The following DSCAM variants were observed in gnomAD, a reference collection of about 807,000 sequenced individuals.
DSCAM encodes the protein cell adhesion molecule DSCAM.
Under a neutral mutation model 217.7 loss-of-function variants are expected in DSCAM, and 47 were observed. The observed-to-expected ratio is 0.22, with a 90% CI of 0.17 to 0.28. The LOEUF is 0.28. DSCAM is among the 10% of genes least tolerant of loss of function. DSCAM has a pLI of 1.00. For synonymous variants in DSCAM, 1,056 were observed against 1,015.3 expected (o/e 1.04, Z -0.76); for missense variants, 2,080 against 2,618.3 (o/e 0.79, Z 4.49).
intron 10 of DSCAM, among the ~76,000 whole-genome samples, chr21:40,279,575 CAAGG>C (rs2073732662): frequency 6.6e-6 from 1 of 152,290 alleles, no homozygotes; most frequent in African/African-American, 2.4e-5. Flanking sequence ...GGCAATTCCT[CAAGG>C]ATCTAGAACT....
At chr21:40,114,311 GA>G (rs1173872192) in intron 20 of DSCAM, among the ~76,000 whole-genome samples, 1 of 150,420 alleles carries the variant, frequency 6.6e-6, no homozygotes, top group African/African-American at 2.4e-5. Flanking sequence ...AAGCAATGGG[GA>G]AAGGATTCCC....
chr21:40,589,555 A>G (rs1349435516), intron 3 of DSCAM, among the ~76,000 whole-genome samples: 2 of 152,168 alleles, frequency 1.3e-5, no homozygotes, highest in Non-Finnish European at 2.9e-5. Context: ...CAGCCTGGGC[A>G]ACAAAGCAAG....
Position 40,393,382 on chromosome 21 carries a change from A to C in DSCAM, c.509-24137T>G, listed in dbSNP as rs146633414. 2.4e-3 allele frequency among the ~76,000 whole-genome samples: 372 copies of C among 152,344 alleles called. 2 individuals are homozygous for C. The highest frequency in any genetic ancestry group is 8.5e-3 in the African/African-American group (355 of 41,580). ...TTTAAACATGAAAAGACATGTTCCC[A>C]GCCCTTTTGTGAGCTTGTGCTTTGG... On this transcript the variant is annotated intron_variant, in intron 3 of 32. Transcript: ENST00000400454.
At chr21:40,774,667 A>C (rs1410097056) in intron 1 of DSCAM, among the ~76,000 whole-genome samples, 2 of 152,182 alleles carry the variant, frequency 1.3e-5, no homozygotes, top group Non-Finnish European at 2.9e-5. Flanking sequence ...TTCTGTACAA[A>C]TGGAACACAT....
At chr21:40,678,161 T>C (rs1358797831) in intron 3 of DSCAM, among the ~76,000 whole-genome samples, 1 of 152,204 alleles carries the variant, frequency 6.6e-6, no homozygotes, top group African/African-American at 2.4e-5. Context: ...AATAAGTCTT[T>C]GTAATTCCTT....
chr21:40,676,116 AAAAG>A (rs1179221935), intron 3 of DSCAM, among the ~76,000 whole-genome samples: 1 of 152,222 alleles, frequency 6.6e-6, no homozygotes. Context: ...ATTTTTCTTG[AAAAG>A]AAAGTAATCA....
intron 3 of DSCAM, among the ~76,000 whole-genome samples, chr21:40,525,009 C>CAAAAAAAAAAAAA (rs58427418): frequency 0.034 from 1,897 of 55,950 alleles, 143 homozygotes; most frequent in Non-Finnish European, 0.056. Flanking sequence ...GACTCAGTCT[C>CAAAAAAAAAAAAA]AAAAAAAAAA....
At chr21:40,166,539 A>G (rs954005213) in intron 16 of DSCAM, among the ~76,000 whole-genome samples, 1 of 152,236 alleles carries the variant, frequency 6.6e-6, no homozygotes, top group Non-Finnish European at 1.5e-5. Context: ...CAGAATCAAC[A>G]CTGCTTCCTT....
intron 16 of DSCAM, among the ~76,000 whole-genome samples, chr21:40,152,810 T>G (rs974070535): frequency 3.3e-5 from 5 of 152,224 alleles, no homozygotes; most frequent in African/African-American, 1.2e-4. Flanking sequence ...ATGTGAATGA[T>G]TAGAACAGGC....
chr21:40,327,089 G>C (rs1037063099), intron 8 of DSCAM, among the ~76,000 whole-genome samples: 1 of 151,930 alleles, frequency 6.6e-6, no homozygotes, highest in Non-Finnish European at 1.5e-5. Flanking sequence ...CCTACCGCAT[G>C]GTTCTGAATA....
intron 11 of DSCAM, among the ~76,000 whole-genome samples, chr21:40,189,465 G>T (rs2090931950): frequency 6.6e-6 from 1 of 152,108 alleles, no homozygotes; most frequent in South Asian, 2.1e-4. Context: ...CATATCCACG[G>T]CACGTTGCTC....
chr21:40,093,707 T>C lies in DSCAM; in HGVS notation c.3850+14A>G. The C allele has an allele frequency of 6.2e-7, 1 of 1,613,878 alleles. No homozygotes were observed. Among genetic ancestry groups the C allele is most frequent in the East Asian group, 2.2e-5 (1 of 44,872 alleles). On this transcript the variant is annotated intron_variant, in intron 21 of 32. Coordinates refer to ENST00000400454, the MANE Select transcript of DSCAM (RefSeq NM_001389.5). The stretch of plus-strand genomic sequence containing the variant: ...GTTACAACAGGAAATGAGGTCCTTA[T>C]AGCCACTGCCTACCTTTTGCTAGTG...
At chr21:40,527,344 A>G (rs2076408487) in intron 3 of DSCAM, among the ~76,000 whole-genome samples, 3 of 152,286 alleles carry the variant, frequency 2.0e-5, no homozygotes, top group African/African-American at 7.2e-5. Flanking sequence ...GCATCTTTGT[A>G]TTTCACATTG....
At position 40,021,057 on chromosome 21, in the gene DSCAM, T is replaced by TG. The variant is rs939671665; in HGVS notation, c.5687-7672dup. Among the ~76,000 whole-genome samples the TG allele has an allele frequency of 1.1e-4, 15 of 142,010 alleles. No homozygotes were observed. The South Asian group carries it at 2.5e-3, about 24-fold the overall frequency. 93.2% of individuals were successfully genotyped at this position (142,010 alleles called of 152,430 possible). A position where few individuals can be genotyped will look rare whatever the true frequency, so the allele number is the denominator to read the frequency against. ...CAGGGGAGGCTGAGATGAATAAGGC[T>TG]GGGGGGGTGTGAGGGAGGATGGATG... On this transcript the variant is annotated intron_variant, in intron 32 of 32. Coordinates refer to ENST00000400454, the MANE Select transcript of DSCAM (RefSeq NM_001389.5).
intron 18 of DSCAM, among the ~76,000 whole-genome samples, chr21:40,139,375 G>A (rs116548116): frequency 0.017 from 2,526 of 152,020 alleles, 74 homozygotes; most frequent in African/African-American, 0.058. Flanking sequence ...ATATTGGTTC[G>A]GTCTGGAAGG....
intron 1 of DSCAM, among the ~76,000 whole-genome samples, chr21:40,844,372 A>G (rs527293987): frequency 6.6e-6 from 1 of 152,278 alleles, no homozygotes; most frequent in East Asian, 1.9e-4. Flanking sequence ...TAATGTTTTC[A>G]TCCTTGATCA....
At chr21:40,106,508 C>A (rs1368477348) in intron 20 of DSCAM, among the ~76,000 whole-genome samples, 1 of 152,034 alleles carries the variant, frequency 6.6e-6, no homozygotes, top group Non-Finnish European at 1.5e-5. Context: ...AAGGAGTCCC[C>A]CCTCCTAGAT....
intron 1 of DSCAM, among the ~76,000 whole-genome samples, chr21:40,737,506 T>C (rs941143424): frequency 2.0e-5 from 3 of 152,110 alleles, no homozygotes; most frequent in Non-Finnish European, 2.9e-5. Context: ...CTGGGCATAG[T>C]GGCAGGTGCC....
chr21:40,019,917 C>T (rs9975213), intron 32 of DSCAM, among the ~76,000 whole-genome samples: 20,366 of 152,184 alleles, frequency 0.13, 1,583 homozygotes, highest in Middle Eastern at 0.25. Flanking sequence ...TCCACATTTC[C>T]CCCCTTCCCC....
Sources: gnomAD v4.1 joint callset for allele counts (sites outside exome capture counted in the v4.1 genomes callset) on GRCh38, gnomAD v4.1.1 for gene constraint, MANE v1.5 for transcripts, NCBI Gene and HGNC (gene_info 2026-07-23, HGNC 2026-07-21) for gene names.